The following ZFYVE1 variants were observed in gnomAD, a reference collection of about 807,000 sequenced individuals.
The protein encoded by ZFYVE1 is zinc finger FYVE-type containing 1, also known as zinc finger FYVE domain-containing protein 1.
ZFYVE1 carries 30 observed loss-of-function variants against 74.4 expected under a neutral mutation model. The ratio of observed to expected loss-of-function variants is 0.40; its 90% confidence interval spans 0.30 to 0.55. The LOEUF (loss-of-function observed/expected upper bound fraction) is 0.55, where lower values mean the gene tolerates loss of function less well. Among genes scored for constraint, ZFYVE1 ranks in the 20% least tolerant of loss-of-function variants. The pLI is 0.42. For missense variants in ZFYVE1, 703 were observed against 1,011.6 expected, an observed-to-expected ratio of 0.69 and a Z score of 4.14; for synonymous variants, 335 against 385.1, an observed-to-expected ratio of 0.87 and a Z score of 1.52.
intron 8 of ZFYVE1, among the ~76,000 whole-genome samples, chr14:72,977,336 G>A (rs1893201121): frequency 6.6e-6 from 1 of 152,104 alleles, no homozygotes. Flanking sequence ...AACCCGGGAG[G>A]TGGAGATTGC....
chr14:72,994,434 G>A (rs1171612280), intron 3 of ZFYVE1, among the ~76,000 whole-genome samples: 1 of 151,368 alleles, frequency 6.6e-6, no homozygotes, highest in Admixed American at 6.6e-5. Flanking sequence ...ACCCTTTCCT[G>A]GTAAAGGACA....
At chr14:73,021,707 G>T (rs7154097) in intron 2 of ZFYVE1, among the ~76,000 whole-genome samples, 10 of 152,212 alleles carry the variant, frequency 6.6e-5, no homozygotes, top group African/African-American at 1.9e-4. Context: ...TTCCTAGGAC[G>T]TGGTTAATGT....
intron 10 of ZFYVE1, among the ~76,000 whole-genome samples, 178 bp downstream of exon 10, chr14:72,974,601 G>A (rs182521851): frequency 2.0e-5 from 3 of 152,204 alleles, no homozygotes; most frequent in Non-Finnish European, 4.4e-5. Flanking sequence ...TCGAGCCCCT[G>A]AGGAACAGCA....
chr14:72,972,086 G>T (rs1323006148), intron 11 of ZFYVE1, among the ~76,000 whole-genome samples: 1 of 152,108 alleles, frequency 6.6e-6, no homozygotes, highest in African/African-American at 2.4e-5. Flanking sequence ...GCCGGGCGTG[G>T]TGGTATAACC....
chr14:72,974,019 G>A, intron 11 of ZFYVE1, 61 bp downstream of exon 11: 1 of 1,483,544 alleles, frequency 6.7e-7, no homozygotes, highest in East Asian at 2.3e-5. Context: ...TGACAGCCCA[G>A]GGCACCTGAA....
rs1432664338 is a variant in ZFYVE1 at position 72,970,677 on chromosome 14, A to G, written c.*205T>C. 13 of 602,764 alleles carry G rather than the reference A, an allele frequency of 2.2e-5. No homozygotes were observed. Among genetic ancestry groups the G allele is most frequent in the Middle Eastern group, 4.4e-4 (1 of 2,268 alleles). The allele number at this position is 602,764 out of a possible 1,614,324, so 37.3% of individuals were successfully genotyped here. A position where few individuals can be genotyped will look rare whatever the true frequency, so the allele number is the denominator to read the frequency against. On this transcript the variant is annotated 3_prime_UTR_variant, in exon 12 of 12. Coordinates refer to ENST00000556143, the MANE Select transcript of ZFYVE1 (RefSeq NM_021260.4). ...GGATTCAGGTTCATTCCCCTTTGCG[A>G]TAAGTTGCAAGGTCCCCTGCCCTGA...
chr14:72,987,079 T>A, intron 4 of ZFYVE1: 1 of 468,276 alleles, frequency 2.1e-6, no homozygotes, highest in Non-Finnish European at 2.8e-6. Flanking sequence ...TGGCTCTTTC[T>A]ATTGTATCTA....
chr14:73,005,256 A>G (rs1893954335), intron 2 of ZFYVE1, among the ~76,000 whole-genome samples: 1 of 152,142 alleles, frequency 6.6e-6, no homozygotes, highest in Non-Finnish European at 1.5e-5. Context: ...GCAGAGAAAA[A>G]TAAGAAGATT....
At chr14:72,983,055 G>A (rs1455411914) in intron 4 of ZFYVE1, among the ~76,000 whole-genome samples, 1 of 152,114 alleles carries the variant, frequency 6.6e-6, no homozygotes, top group Non-Finnish European at 1.5e-5. Context: ...ATTTTGGCCA[G>A]GCTGGTCTTG....
In ZFYVE1 at chr14:73,023,092, TA is replaced by T. The variant is rs1365495085; in HGVS notation, c.483+933del. Among the ~76,000 whole-genome samples the T allele has an allele frequency of 6.8e-5, 10 of 147,946 alleles. No homozygotes were observed. In the East Asian group the frequency reaches 2.0e-3, roughly 29 times the overall value. ...AGGAAAATCGCTTGAATCCAGGAAG[TA>T]GAGGTTGCAGTGAGCCAAGATGGCA... is the stretch of plus-strand genomic sequence containing the variant. On this transcript the variant is annotated intron_variant, in intron 2 of 11. Transcript: ENST00000556143.
At chr14:73,000,380 T>C (rs1220992441) in intron 2 of ZFYVE1, among the ~76,000 whole-genome samples, 3 of 152,004 alleles carry the variant, frequency 2.0e-5, no homozygotes, top group Non-Finnish European at 2.9e-5. Context: ...AAAGAGAGGA[T>C]AGCTTGAGGC....
rs1294443300 is a variant in ZFYVE1 at position 72,975,807 on chromosome 14, C to T, written c.1636-86G>A. ...AGGGATGTTTGGTGAGTTGCACACTCACCGTGGCCAACTCAGAACCACTAA... is the reference window on the plus strand; with the variant it reads ...AGGGATGTTTGGTGAGTTGCACACTTACCGTGGCCAACTCAGAACCACTAA... On this transcript the variant is annotated intron_variant, in intron 8 of 11. Transcript: ENST00000556143. This position sits in a 1 kb window ranked among gnomAD's most constrained non-coding sequence, Gnocchi z 4.1. The T allele has an allele frequency of 6.6e-7, 1 of 1,510,936 alleles. No homozygotes were observed. Among genetic ancestry groups the T allele is most frequent in the East Asian group, 2.3e-5 (1 of 44,166 alleles). 93.6% of individuals were successfully genotyped at this position (1,510,936 alleles called of 1,614,324 possible).
In ZFYVE1 at chr14:72,970,818, C is replaced by T. The variant is rs955136760; in HGVS notation, c.*64G>A. 60 of 1,549,586 alleles carry T rather than the reference C, an allele frequency of 3.9e-5. No individual in the cohort carries two copies. Among genetic ancestry groups the T allele is most frequent in the Non-Finnish European group, 4.7e-5 (53 of 1,136,852 alleles). On this transcript the variant is annotated 3_prime_UTR_variant, in exon 12 of 12. Transcript: ENST00000556143. The stretch of plus-strand genomic sequence containing the variant: ...AGGTGACTGGGAGGAGGGCCTACCT[C>T]GCAAGACTGTTTCTAACCCTGAGAA...
chr14:72,975,740 C>G lies in ZFYVE1; in HGVS notation c.1636-19G>C, dbSNP rs923121876. The G allele has an allele frequency of 2.5e-6, 4 of 1,611,836 alleles. No individual in the cohort carries two copies. The African/African-American group carries it at 4.0e-5, about 16-fold the overall frequency. ...CATCAGTCTGAAATGAAAACGCAGG[C>G]TTCCATCATGCTCTGAGAAGGGAGT... On this transcript the variant is annotated intron_variant, in intron 8 of 11. Transcript: ENST00000556143. This position sits in a 1 kb window ranked among gnomAD's most constrained non-coding sequence, Gnocchi z 4.1.
rs1156513353 is a variant in ZFYVE1 at position 72,969,656 on chromosome 14, T to C, written c.*1226A>G. ...CACCCACCAGTTCAGTTAAGAATTA[T>C]ACTTTAATTCGTGTTTGGCCACTGA... is the stretch of plus-strand genomic sequence containing the variant. On this transcript the variant is annotated 3_prime_UTR_variant, in exon 12 of 12. Transcript: ENST00000556143. 2.9e-6 allele frequency: 2 copies of C among 699,004 alleles called. No individual in the cohort carries two copies. Among genetic ancestry groups the C allele is most frequent in the African/African-American group, 1.8e-5 (1 of 56,892 alleles). 43.3% of individuals were successfully genotyped at this position (699,004 alleles called of 1,614,324 possible).
intron 6 of ZFYVE1, among the ~76,000 whole-genome samples, chr14:72,978,630 C>T (rs1393521846): frequency 7.9e-6 from 1 of 125,852 alleles, no homozygotes; most frequent in Non-Finnish European, 1.7e-5. Flanking sequence ...CCCTTACATA[C>T]AAGCTCAACA....
At chr14:72,971,164 C>T (rs1456256942) in intron 11 of ZFYVE1, 50 bp from the exon 12 acceptor site, 4 of 1,594,894 alleles carry the variant, frequency 2.5e-6, no homozygotes, top group Non-Finnish European at 3.4e-6. Flanking sequence ...TACCCCGAGG[C>T]CCAACTAGCA....
chr14:72,995,188 G>A (rs1893714897), intron 3 of ZFYVE1, among the ~76,000 whole-genome samples: 1 of 152,168 alleles, frequency 6.6e-6, no homozygotes. Flanking sequence ...TCCACCTCCA[G>A]GGTTCAAGCG....
In ZFYVE1 at chr14:72,998,141, C is replaced by T; in HGVS notation, c.658G>A (p.Gly220Arg). The change falls in exon 3 of 12, where the codon GGA (glycine) becomes AGA (arginine). Residue 220 changes from glycine (G) to arginine (R), a missense_variant. Physicochemically the swap from Gly to Arg is moderately radical, Grantham distance 125. Coordinates refer to ENST00000556143, the MANE Select transcript of ZFYVE1 (RefSeq NM_021260.4). ...ACTGGGTCATAGGCTGCCCACACTC[C>T]CACAGTGCAGGACTCCTGGGTCGGG... Reference protein sequence around the residue: ...TSPTQESCTVGVWAAYDPVHK... With the variant: ...TSPTQESCTVRVWAAYDPVHK... The T allele has an allele frequency of 6.2e-7, 1 of 1,613,940 alleles. No homozygotes were observed. Among genetic ancestry groups the T allele is most frequent in the Non-Finnish European group, 8.5e-7 (1 of 1,179,938 alleles).
Sources: allele counts gnomAD v4.1 joint callset (sites outside exome capture counted in the v4.1 genomes callset), GRCh38; gene constraint gnomAD v4.1.1; non-coding constraint Gnocchi (gnomAD v3.1); transcripts MANE v1.5; gene names NCBI Gene and HGNC (gene_info 2026-07-23, HGNC 2026-07-21).